Variants in SERINC5 observed in about 807,000 individuals in gnomAD.
The protein encoded by SERINC5 is serine incorporator 5, also known as chromosome 5 open reading frame 12.
In SERINC5, 41 loss-of-function variants were observed where a neutral mutation model predicts 63.1. That is an observed-to-expected ratio of 0.65 (90% confidence interval 0.51 to 0.84). The LOEUF is 0.84. Among genes scored for constraint, SERINC5 ranks in the 40% least tolerant of loss-of-function variants. The pLI is 0.00. For missense variants in SERINC5, 523 were observed against 573.0 expected, an observed-to-expected ratio of 0.91 and a Z score of 0.89; for synonymous variants, 222 against 215.2, an observed-to-expected ratio of 1.03 and a Z score of -0.28.
intron 11 of SERINC5, chr5:80,116,038 T>C (rs1345048285): frequency 6.2e-6 from 2 of 322,376 alleles, no homozygotes; most frequent in Non-Finnish European, 1.2e-5. Context: ...TCAGGCCTCA[T>C]CTGAGAGAAC....
chr5:80,202,965 T>C lies in SERINC5; in HGVS notation c.116A>G (p.Tyr39Cys). Residue 39 changes from tyrosine (Y) to cysteine (C), a missense_variant, in exon 2 of 12, where the codon TAC becomes TGC. Coordinates refer to ENST00000507668, the MANE Select transcript of SERINC5 (RefSeq NM_001174072.3). ...IRQSLSTRFMYALYFILVVVL... is the reference protein window; with the variant it reads ...IRQSLSTRFMCALYFILVVVL... Reference sequence around the variant, plus strand: ...GACGACCAGAATGAAGTAGAGGGCGTACATGAAGCGGGTGCTGAGGGACTG... The same window carrying C: ...GACGACCAGAATGAAGTAGAGGGCGCACATGAAGCGGGTGCTGAGGGACTG... 2 of 1,613,604 alleles carry C rather than the reference T, an allele frequency of 1.2e-6. No homozygotes were observed. Among genetic ancestry groups the C allele is most frequent in the Non-Finnish European group, 1.7e-6 (2 of 1,179,726 alleles).
At chr5:80,169,636 G>A in intron 5 of SERINC5, 90 bp from the exon 6 acceptor site, 1 of 992,158 alleles carries the variant, frequency 1.0e-6, no homozygotes, top group Admixed American at 2.1e-5. Context: ...CATCCCTCAG[G>A]CAGTAACTAA....
At chr5:80,156,160 A>G (rs539022541) in intron 8 of SERINC5, among the ~76,000 whole-genome samples, 56 of 152,202 alleles carry the variant, frequency 3.7e-4, no homozygotes, top group Middle Eastern at 3.4e-3. Flanking sequence ...CATACTATCT[A>G]TAGTCTCTGG....
At chr5:80,135,456 A>G (rs1580039763), downstream of SERINC5, among the ~76,000 whole-genome samples, 1 of 152,316 alleles carries the variant, frequency 6.6e-6, no homozygotes, top group African/African-American at 2.4e-5. Flanking sequence ...CAGGGACCCA[A>G]GAACTAAAAA....
In SERINC5 at chr5:80,140,332, A is replaced by AG; in HGVS notation, c.*3330dup. 1.1e-5 allele frequency: 8 copies of AG among 713,152 alleles called. No homozygotes were observed. Among genetic ancestry groups the AG allele is most frequent in the Non-Finnish European group, 1.3e-5 (8 of 594,700 alleles). 44.2% of individuals were successfully genotyped at this position (713,152 alleles called of 1,614,324 possible). ...AAAAAAAAAAAAAAAAAAAAAAAAAAGGCTTAGGGTGACAATTTTGACATG... is the reference window on the plus strand; with the variant it reads ...AAAAAAAAAAAAAAAAAAAAAAAAAAGGGCTTAGGGTGACAATTTTGACATG... On this transcript the variant is annotated 3_prime_UTR_variant, in exon 12 of 12. Transcript: ENST00000507668.
intron 5 of SERINC5, among the ~76,000 whole-genome samples, chr5:80,173,726 T>C (rs987695891): frequency 6.6e-6 from 1 of 152,108 alleles, no homozygotes. Context: ...AGCTCCTTGC[T>C]ACCACTTAGT....
chr5:80,254,071 A>T (rs1416611232), intron 1 of SERINC5, among the ~76,000 whole-genome samples: 1 of 152,184 alleles, frequency 6.6e-6, no homozygotes. Flanking sequence ...GATTACAGGC[A>T]TGCGTCATCA....
intron 11 of SERINC5, among the ~76,000 whole-genome samples, chr5:80,131,450 T>C (rs974117239): frequency 2.0e-5 from 3 of 152,138 alleles, no homozygotes; most frequent in Admixed American, 2.0e-4. Flanking sequence ...ACTGATACAG[T>C]GACAGAATGG....
intron 1 of SERINC5, among the ~76,000 whole-genome samples, chr5:80,245,605 A>ATT (rs200588140): frequency 3.4e-4 from 42 of 125,254 alleles, no homozygotes; most frequent in Non-Finnish European, 6.1e-4. Flanking sequence ...CCCAGTGAAT[A>ATT]TTTATTTTTT....
chr5:80,161,612 AT>A (rs1561381662), intron 7 of SERINC5, among the ~76,000 whole-genome samples: 1 of 152,132 alleles, frequency 6.6e-6, no homozygotes, highest in African/African-American at 2.4e-5. Context: ...TTGCTCCCCT[AT>A]AAGACACAGT....
At chr5:80,205,453 C>T (rs1405618018) in intron 1 of SERINC5, among the ~76,000 whole-genome samples, 1 of 152,196 alleles carries the variant, frequency 6.6e-6, no homozygotes, top group African/African-American at 2.4e-5. Context: ...GGCCTGCAGC[C>T]ATACACCCTT....
At chr5:80,114,255 G>A (rs1330788768) in intron 11 of SERINC5, among the ~76,000 whole-genome samples, 2 of 152,018 alleles carry the variant, frequency 1.3e-5, no homozygotes, top group Admixed American at 1.3e-4. Flanking sequence ...GGCTGGGGAG[G>A]CCTCAGGAAA....
chr5:80,151,353 G>A (rs1746168739), intron 8 of SERINC5, among the ~76,000 whole-genome samples: 1 of 152,202 alleles, frequency 6.6e-6, no homozygotes, highest in Admixed American at 6.5e-5. Flanking sequence ...GAAAGCAAGG[G>A]CATGAAAGCA....
At chr5:80,124,316 T>G (rs975692559) in intron 11 of SERINC5, among the ~76,000 whole-genome samples, 1 of 152,226 alleles carries the variant, frequency 6.6e-6, no homozygotes, top group African/African-American at 2.4e-5. Context: ...AGCTTCCCCG[T>G]GCCAACAGTC....
intron 1 of SERINC5, among the ~76,000 whole-genome samples, chr5:80,224,646 G>A (rs1751083368): frequency 6.6e-6 from 1 of 151,886 alleles, no homozygotes; most frequent in African/African-American, 2.4e-5. Context: ...TTTTTTTAAA[G>A]ACGGAATTTC....
chr5:80,206,788 C>T (rs1750184781), intron 1 of SERINC5, among the ~76,000 whole-genome samples: 1 of 148,142 alleles, frequency 6.8e-6, no homozygotes, highest in Non-Finnish European at 1.5e-5. Flanking sequence ...GAACCCTTTC[C>T]TAACTGCCTC....
At chr5:80,253,791 C>A (rs1050114574) in intron 1 of SERINC5, among the ~76,000 whole-genome samples, 5 of 152,182 alleles carry the variant, frequency 3.3e-5, no homozygotes, top group Non-Finnish European at 7.3e-5. Context: ...AATGATCTCC[C>A]CTGCCCAGAT....
intron 1 of SERINC5, among the ~76,000 whole-genome samples, chr5:80,230,425 A>G (rs1219564704): frequency 7.1e-6 from 1 of 140,920 alleles, no homozygotes; most frequent in Non-Finnish European, 1.5e-5. Context: ...CCGCCACTGC[A>G]TTCTAGAGCA....
intron 12 of SERINC5, among the ~76,000 whole-genome samples, chr5:80,112,077 T>C (rs1258922873): frequency 6.6e-6 from 1 of 152,140 alleles, no homozygotes; most frequent in Non-Finnish European, 1.5e-5. Context: ...TGAGACAGCC[T>C]GAGATATGTC....
Sources: gnomAD v4.1 joint callset for allele counts (sites outside exome capture counted in the v4.1 genomes callset) on GRCh38, gnomAD v4.1.1 for gene constraint, MANE v1.5 for transcripts, NCBI Gene and HGNC (gene_info 2026-07-23, HGNC 2026-07-21) for gene names.